The following THSD1 variants were observed in gnomAD, a reference collection of about 807,000 sequenced individuals.
THSD1 encodes the protein thrombospondin type-1 domain-containing protein 1.
A neutral mutation model predicts 46.3 loss-of-function variants in THSD1; 34 were observed. The ratio of observed to expected loss-of-function variants is 0.74; its 90% confidence interval spans 0.56 to 0.98. The LOEUF is 0.98. Ranked by LOEUF, THSD1 falls within the 50% of genes least tolerant of loss-of-function variation. THSD1 has a pLI of 0.00. For synonymous variants in THSD1, 407 were observed against 416.5 expected, an observed-to-expected ratio of 0.98 and a Z score of 0.28; for missense variants, 1,023 against 1,058.3, an observed-to-expected ratio of 0.97 and a Z score of 0.46.
intron 2 of THSD1, among the ~76,000 whole-genome samples, 173 bp downstream of exon 2, chr13:52,402,370 G>A (rs1957870663): frequency 6.6e-6 from 1 of 152,098 alleles, no homozygotes; most frequent in South Asian, 2.1e-4. Flanking sequence ...CAATCATGCA[G>A]AATCACTGAA....
At position 52,378,188 on chromosome 13, in the gene THSD1, C is replaced by T; in HGVS notation, c.1782G>A (p.Gln594=). ...KFRIKSPFPE[Q]PAVSAGERPP... is the part of the protein sequence containing the mutation. ...GCCTTTCCCCGGCACTGACCGCGGG[C>T]TGCTCCGGAAATGGGGATTTGATCC... The change falls in exon 5 of 5, where the codon CAG becomes CAA. Residue 594 remains glutamine (Q), a synonymous_variant. Coordinates refer to ENST00000258613, the MANE Select transcript of THSD1 (RefSeq NM_018676.4). 4 of 1,614,224 alleles carry T rather than the reference C, an allele frequency of 2.5e-6. No individual in the cohort carries two copies. Among genetic ancestry groups the T allele is most frequent in the South Asian group, 2.2e-5 (2 of 91,090 alleles).
chr13:52,384,788 T>C (rs2137729037), intron 4 of THSD1, among the ~76,000 whole-genome samples: 1 of 152,164 alleles, frequency 6.6e-6, no homozygotes, highest in South Asian at 2.1e-4. Context: ...AGGAAGGTGC[T>C]GTGGAAAGTG....
intron 4 of THSD1, among the ~76,000 whole-genome samples, chr13:52,382,974 C>T (rs1486869632): frequency 1.3e-5 from 2 of 151,786 alleles, no homozygotes; most frequent in Non-Finnish European, 2.9e-5. Context: ...GCACTCCAGC[C>T]TGGGCAACAC....
chr13:52,398,524 G>T, intron 2 of THSD1: 1 of 981,848 alleles, frequency 1.0e-6, no homozygotes, highest in Non-Finnish European at 1.2e-6. Context: ...TTATAGACAT[G>T]AGCCACTGCA....
Position 52,378,480 on chromosome 13 carries a change from G to A in THSD1, c.1490C>T (p.Thr497Ile), listed in dbSNP as rs1957658923. Residue 497 changes from threonine to isoleucine, a missense_variant, in exon 5 of 5, where the codon ACC (threonine) becomes ATC (isoleucine). By Grantham distance (89) the Thr-to-Ile change is moderately conservative. This residue lies in a region of THSD1 where 578 missense variants were observed against 497.4 expected (regional missense o/e 1.16). Coordinates refer to ENST00000258613, the MANE Select transcript of THSD1 (RefSeq NM_018676.4). Reference sequence around the variant, plus strand: ...AGGTACCGGCCCGCTCCGCCTGTAGGTCAGAGGGATGCCTGTGTCCCCTGG... The same window carrying A: ...AGGTACCGGCCCGCTCCGCCTGTAGATCAGAGGGATGCCTGTGTCCCCTGG... ...GSPGDTGIPL[T>I]YRRSGPVPPE... is the part of the protein sequence containing the mutation. 4 of 1,614,098 alleles carry A rather than the reference G, an allele frequency of 2.5e-6. No individual in the cohort carries two copies. In the African/African-American group the frequency reaches 5.3e-5, roughly 22 times the overall value.
chr13:52,402,694 C>A lies in THSD1; in HGVS notation c.-81-13G>T. The A allele has an allele frequency of 6.4e-7, 1 of 1,556,362 alleles. No homozygotes were observed. The highest frequency in any genetic ancestry group is 1.7e-4 in the Middle Eastern group (1 of 5,842). The stretch of plus-strand genomic sequence containing the variant: ...TCCCCAAAAACACCTGAAATTAGAA[C>A]CTCAAAAAATGATGGCTCCGTTCAA... On this transcript the variant is annotated splice_polypyrimidine_tract_variant and intron_variant, in intron 1 of 4. Coordinates refer to ENST00000258613, the MANE Select transcript of THSD1 (RefSeq NM_018676.4).
chr13:52,378,285 G>A lies in THSD1; in HGVS notation c.1685C>T (p.Thr562Ile). ...AGCGCTGGGGGCCGCATCAATGGCA[G>A]TGTCTGTCAGGGGACTCTGAGACAC... ...YHVSQSPLTDTAIDAAPSAPL... is the reference protein window; with the variant it reads ...YHVSQSPLTDIAIDAAPSAPL... The change falls in exon 5 of 5, where the codon ACT becomes ATT. Residue 562 changes from threonine (T) to isoleucine (I), a missense_variant. Coordinates refer to ENST00000258613, the MANE Select transcript of THSD1 (RefSeq NM_018676.4). The A allele has an allele frequency of 1.2e-6, 2 of 1,614,232 alleles. No individual in the cohort carries two copies. The highest frequency in any genetic ancestry group is 1.7e-6 in the Non-Finnish European group (2 of 1,180,054).
At chr13:52,384,510 T>C in intron 4 of THSD1, 1 of 426,514 alleles carries the variant, frequency 2.3e-6, no homozygotes, top group Non-Finnish European at 4.7e-6. Context: ...TCTCAAGAGG[T>C]CTGAGCCCAG....
intron 1 of THSD1, chr13:52,402,961 G>C (rs955622980): frequency 1.0e-6 from 1 of 985,114 alleles, no homozygotes; most frequent in Non-Finnish European, 1.2e-6. Flanking sequence ...ACATCCTGAC[G>C]TGGAGAGTTT....
rs543365030 is a variant in THSD1 at position 52,377,916 on chromosome 13, G to A, written c.2054C>T (p.Thr685Met). ...GTCCTCTGCCTGCTCGCAGGTCCGC[G>A]TCCTAGAGCTGTAGGCAGGGGCCTG... ...PRQAPAYSSR[T>M]RTCEQAEDRF... The change falls in exon 5 of 5, where the codon ACG becomes ATG. Residue 685 changes from threonine (T) to methionine (M), a missense_variant. Coordinates refer to ENST00000258613, the MANE Select transcript of THSD1 (RefSeq NM_018676.4). 7 of 1,614,010 alleles carry A rather than the reference G, an allele frequency of 4.3e-6. No individual in the cohort carries two copies. The highest frequency in any genetic ancestry group is 2.7e-5 in the African/African-American group (2 of 74,908).
rs533896798 is a variant in THSD1 at position 52,385,396 on chromosome 13, T to G, written c.1180+632A>C. Among the ~76,000 whole-genome samples the G allele has an allele frequency of 2.6e-5, 4 of 152,316 alleles. No individual in the cohort carries two copies. In the East Asian group the frequency reaches 7.7e-4, roughly 29 times the overall value. The stretch of plus-strand genomic sequence containing the variant: ...CTGGGGCAAACCTAACTGAGCCGTG[T>G]GAGCAACATATCTATAGACTATTTA... On this transcript the variant is annotated intron_variant, in intron 4 of 4. Coordinates refer to ENST00000258613, the MANE Select transcript of THSD1 (RefSeq NM_018676.4).
At chr13:52,384,124 C>A in intron 4 of THSD1, 1 of 337,888 alleles carries the variant, frequency 3.0e-6, no homozygotes, top group South Asian at 2.4e-5. Context: ...GGCGGAGTTG[C>A]CGTGAGCCGA....
intron 3 of THSD1, among the ~76,000 whole-genome samples, chr13:52,391,409 G>A (rs1403559712): frequency 1.1e-4 from 16 of 151,832 alleles, no homozygotes; most frequent in Non-Finnish European, 1.5e-5. Flanking sequence ...GTAGAGATGG[G>A]TTTTTGCTAT....
chr13:52,383,231 C>G (rs899018023), intron 4 of THSD1, among the ~76,000 whole-genome samples: 1 of 152,128 alleles, frequency 6.6e-6, no homozygotes, highest in Non-Finnish European at 1.5e-5. Flanking sequence ...TTGCATAGTG[C>G]TCATAAACAC....
intron 2 of THSD1, chr13:52,398,681 G>T: frequency 1.2e-6 from 1 of 856,532 alleles, no homozygotes; most frequent in Non-Finnish European, 1.4e-6. Flanking sequence ...TCATAGTTAG[G>T]TTTAAAATAA....
At chr13:52,403,403 C>A (rs1957879167) in intron 1 of THSD1, among the ~76,000 whole-genome samples, 1 of 152,190 alleles carries the variant, frequency 6.6e-6, no homozygotes, top group Non-Finnish European at 1.5e-5. Flanking sequence ...ACACAGCAAT[C>A]TTCCCAGTCT....
At chr13:52,402,707 TG>T in intron 1 of THSD1, 26 bp from the exon 2 acceptor site, 1 of 1,538,594 alleles carries the variant, frequency 6.5e-7, no homozygotes, top group Non-Finnish European at 8.8e-7. Flanking sequence ...CAAAAAATGA[TG>T]GCTCCGTTCA....
At position 52,378,462 on chromosome 13, in the gene THSD1, G is replaced by C. The variant is rs1489214693; in HGVS notation, c.1508C>G (p.Pro503Arg). Residue 503 changes from proline to arginine, a missense_variant, in exon 5 of 5, where the codon CCG (proline) becomes CGG (arginine). Pro to Arg is a moderately radical substitution (Grantham distance 103). Transcript: ENST00000258613. ...AGAGGCATCATCCTCGGGAGGTACCGGCCCGCTCCGCCTGTAGGTCAGAGG... is the reference window on the plus strand; with the variant it reads ...AGAGGCATCATCCTCGGGAGGTACCCGCCCGCTCCGCCTGTAGGTCAGAGG... ...GIPLTYRRSGPVPPEDDASGS... is the reference protein window; with the variant it reads ...GIPLTYRRSGRVPPEDDASGS... The C allele has an allele frequency of 1.2e-6, 2 of 1,614,006 alleles. No homozygotes were observed. Among genetic ancestry groups the C allele is most frequent in the African/African-American group, 2.7e-5 (2 of 74,912 alleles).
rs1957657346 is a variant in THSD1 at position 52,378,373 on chromosome 13, C to T, written c.1597G>A (p.Ala533Thr). 1 of 1,613,968 alleles carries T rather than the reference C, an allele frequency of 6.2e-7. No individual in the cohort carries two copies. Among genetic ancestry groups the T allele is most frequent in the African/African-American group, 1.3e-5 (1 of 74,904 alleles). The change falls in exon 5 of 5, where the codon GCC (alanine) becomes ACC (threonine). Residue 533 changes from alanine to threonine, a missense_variant. Physicochemically the swap from Ala to Thr is moderately conservative, Grantham distance 58. Around this residue, in one of 3 missense-constraint regions of THSD1, gnomAD observed 578 missense variants for 497.4 expected, o/e 1.16. Transcript: ENST00000258613. ...TTCATCTCCTTTAACTGCTGCTGGG[C>T]AAGGCGGTAGCTGAACAGAGGTGGG... Reference protein sequence around the residue: ...IIPPLFSYRLAQQQLKEMKKK... With the variant: ...IIPPLFSYRLTQQQLKEMKKK...
Sources: allele counts gnomAD v4.1 joint callset (sites outside exome capture counted in the v4.1 genomes callset), GRCh38; gene constraint gnomAD v4.1.1; regional missense constraint gnomAD v4.1.1; transcripts MANE v1.5; gene names NCBI Gene and HGNC (gene_info 2026-07-23, HGNC 2026-07-21).